AFF2: variants seen among roughly 807,000 people sequenced by gnomAD.
The protein encoded by AFF2 is AF4/FMR2 family member 2.
In AFF2, 14 loss-of-function variants were observed where a neutral mutation model predicts 76.9. The observed-to-expected ratio is 0.18, with a 90% CI of 0.12 to 0.28. The LOEUF is 0.28. Among genes scored for constraint, AFF2 ranks in the 10% least tolerant of loss-of-function variants. AFF2 has a pLI of 1.00. For synonymous variants in AFF2, 398 were observed against 366.7 expected (o/e 1.09, Z -0.98); for missense variants, 868 against 1,001.1 (o/e 0.87, Z 1.79).
chrX:148,811,168 A>G (rs368085670), intron 4 of AFF2, among the ~76,000 whole-genome samples: 19 of 111,248 alleles, frequency 1.7e-4, no homozygotes, highest in Non-Finnish European at 1.3e-4. Flanking sequence ...GACTGGTACC[A>G]TGTGTTCCTC....
chrX:148,813,085 G>A (rs2070223762), intron 4 of AFF2, among the ~76,000 whole-genome samples: 1 of 112,534 alleles, frequency 8.9e-6, no homozygotes, highest in Non-Finnish European at 1.9e-5. Context: ...GATTGTCAAA[G>A]CACTTGAACC....
In AFF2 at chrX:148,700,357, G is replaced by A. The variant is rs149488563; in HGVS notation, c.1041+37589G>A. 4.2e-3 allele frequency among the ~76,000 whole-genome samples: 460 copies of A among 109,799 alleles called. 1 individual carries two copies. The highest frequency in any genetic ancestry group is 6.6e-3 in the Non-Finnish European group (350 of 52,706). ...TTAAATGTGCCAGGCACCCGAAGTG[G>A]TGGAGTTACCCAAGGGAGTATTTGA... On this transcript the variant is annotated intron_variant, in intron 3 of 20. Transcript: ENST00000370460.
At chrX:148,910,207 G>A (rs782161764) in intron 9 of AFF2, among the ~76,000 whole-genome samples, 9 of 112,401 alleles carry the variant, frequency 8.0e-5, no homozygotes, top group Admixed American at 1.9e-4. Context: ...AGGAAATTAC[G>A]TTTTTTTAGG....
chrX:148,529,867 A>G (rs190500512), intron 1 of AFF2, among the ~76,000 whole-genome samples: 1 of 112,137 alleles, frequency 8.9e-6, no homozygotes, highest in African/African-American at 3.2e-5. Context: ...ATGAAGTGAC[A>G]TAAGTGGCTC....
At chrX:148,581,036 C>T (rs202220215) in intron 1 of AFF2, among the ~76,000 whole-genome samples, 603 of 33,639 alleles carry the variant, frequency 0.018, 27 homozygotes, top group African/African-American at 0.04. Flanking sequence ...TGTATATATA[C>T]ACACATATAT....
Position 148,662,459 on chromosome X carries a change from C to A in AFF2, c.732C>A (p.Phe244Leu), listed in dbSNP as rs370542676. 5 of 1,211,788 alleles carry A rather than the reference C, an allele frequency of 4.1e-6. No homozygotes were observed. Among genetic ancestry groups the A allele is most frequent in the Non-Finnish European group, 5.6e-6 (5 of 895,406 alleles). The stretch of plus-strand genomic sequence containing the variant: ...CCAATTCACCGGAAGAATCTGAATT[C>A]GCCGTGCAAGCGCCTGGGTCTCCCC... ...FQSNSPEESEFAVQAPGSPLV... is the reference protein window; with the variant it reads ...FQSNSPEESELAVQAPGSPLV... The change falls in exon 3 of 21, where the codon TTC (phenylalanine) becomes TTA (leucine). Residue 244 changes from phenylalanine (F) to leucine (L), a missense_variant. This residue lies in a region of AFF2 where 196 missense variants were observed against 194.8 expected (regional missense o/e 1.01). Coordinates refer to ENST00000370460, the MANE Select transcript of AFF2 (RefSeq NM_002025.4).
At chrX:148,779,262 T>C (rs781975082) in intron 3 of AFF2, among the ~76,000 whole-genome samples, 1 of 111,745 alleles carries the variant, frequency 8.9e-6, no homozygotes, top group East Asian at 2.8e-4. Flanking sequence ...TTTACTTCTA[T>C]TTATGTGGTC....
intron 3 of AFF2, among the ~76,000 whole-genome samples, chrX:148,724,461 T>C (rs1557264077): frequency 8.9e-6 from 1 of 111,978 alleles, no homozygotes; most frequent in African/African-American, 3.2e-5. Flanking sequence ...TAAAAAATAA[T>C]AAAATCAACA....
intron 3 of AFF2, among the ~76,000 whole-genome samples, chrX:148,776,936 T>G (rs1476273390): frequency 8.9e-6 from 1 of 112,270 alleles, no homozygotes. Flanking sequence ...TGCCCATGCC[T>G]CTGTCCTGAA....
Position 148,581,380 on chromosome X carries a change from ATATACACG to A in AFF2, c.48-70614_48-70607del, listed in dbSNP as rs1569551647. Among the ~76,000 whole-genome samples, 13 of 2,724 alleles carry A rather than the reference ATATACACG, an allele frequency of 4.8e-3. 1 individual carries two copies. The highest frequency in any genetic ancestry group is 0.013 in the African/African-American group (8 of 616). 2.4% of individuals were successfully genotyped at this position (2,724 alleles called of 115,157 possible). On this transcript the variant is annotated intron_variant, in intron 1 of 20. Transcript: ENST00000370460. ...CATATATACGTATACGTGTACACACATATACACGTATATACGTATACGTGTACACACAT... is the reference window on the plus strand; with the variant it reads ...CATATATACGTATACGTGTACACACATATATACGTATACGTGTACACACAT...
intron 3 of AFF2, among the ~76,000 whole-genome samples, chrX:148,715,895 C>A (rs782321720): frequency 4.5e-5 from 5 of 111,753 alleles, no homozygotes; most frequent in Non-Finnish European, 9.4e-5. Flanking sequence ...ACAAACACTA[C>A]AGATAAGCCT....
At chrX:148,580,939 C>CCTT (rs1266244646) in intron 1 of AFF2, among the ~76,000 whole-genome samples, 4 of 103,412 alleles carry the variant, frequency 3.9e-5, no homozygotes, top group African/African-American at 1.1e-4. Flanking sequence ...TACCCAGATT[C>CCTT]CTATGTTGAC....
chrX:148,765,924 A>G (rs1248719442), intron 3 of AFF2, among the ~76,000 whole-genome samples: 1 of 91,807 alleles, frequency 1.1e-5, no homozygotes, highest in Admixed American at 1.4e-4. Flanking sequence ...CTCATTGTTC[A>G]ATTCCCACCT....
At chrX:148,801,041 T>C (rs1274410080) in intron 3 of AFF2, among the ~76,000 whole-genome samples, 1 of 111,630 alleles carries the variant, frequency 9.0e-6, no homozygotes, top group Admixed American at 9.5e-5. Flanking sequence ...GGGCTTAAAT[T>C]TGGCCCTGGG....
At chrX:148,881,743 A>G (rs1421501886) in intron 7 of AFF2, among the ~76,000 whole-genome samples, 11 of 111,249 alleles carry the variant, frequency 9.9e-5, no homozygotes, top group Non-Finnish European at 2.1e-4. Context: ...TCCCACCTCT[A>G]CAACAAAATT....
Position 148,997,871 on chromosome X carries a change from A to AGAT in AFF2, c.*6540_*6542dup, listed in dbSNP as rs2072624212. The AGAT allele has an allele frequency of 8.9e-6, 1 of 112,464 alleles. No homozygotes were observed. The highest frequency in any genetic ancestry group is 2.8e-4 in the East Asian group (1 of 3,613). 9.3% of individuals were successfully genotyped at this position (112,464 alleles called of 1,213,427 possible). On this transcript the variant is annotated 3_prime_UTR_variant, in exon 21 of 21. Coordinates refer to ENST00000370460, the MANE Select transcript of AFF2 (RefSeq NM_002025.4). Reference sequence around the variant, plus strand: ...TATTCACCCATAAATATTACAAATGAGATTGATTCCATCTCAAGACAATTT... The same window carrying AGAT: ...TATTCACCCATAAATATTACAAATGAGATGATTGATTCCATCTCAAGACAATTT...
chrX:148,615,944 G>T (rs1316351715), intron 1 of AFF2, among the ~76,000 whole-genome samples: 1 of 111,609 alleles, frequency 9.0e-6, no homozygotes, highest in African/African-American at 3.3e-5. Context: ...ATATTTAGAT[G>T]AAGCCATATA....
At chrX:148,518,254 A>C (rs1396580460) in intron 1 of AFF2, among the ~76,000 whole-genome samples, 1 of 111,653 alleles carries the variant, frequency 9.0e-6, no homozygotes, top group East Asian at 2.8e-4. Context: ...TGCTAAAAAA[A>C]CCAAACAGAG....
At chrX:148,862,112 G>A (rs1303696321) in intron 7 of AFF2, among the ~76,000 whole-genome samples, 1 of 111,198 alleles carries the variant, frequency 9.0e-6, no homozygotes, top group Admixed American at 9.6e-5. Flanking sequence ...GAGATAATTT[G>A]CTGCCATGTT....
Sources: allele counts gnomAD v4.1 joint callset (sites outside exome capture counted in the v4.1 genomes callset), GRCh38; gene constraint gnomAD v4.1.1; regional missense constraint gnomAD v4.1.1; transcripts MANE v1.5; gene names NCBI Gene and HGNC (gene_info 2026-07-23, HGNC 2026-07-21).